Variants in IL1RAPL2 observed in about 807,000 individuals in gnomAD.
IL1RAPL2 encodes interleukin 1 receptor accessory protein like 2, also known as X-linked interleukin-1 receptor accessory protein-like 2.
In IL1RAPL2, 3 loss-of-function variants were observed where a neutral mutation model predicts 44.1. The ratio of observed to expected loss-of-function variants is 0.07; its 90% CI spans 0.03 to 0.18. IL1RAPL2 has a LOEUF of 0.18. Among genes scored for constraint, IL1RAPL2 ranks in the 10% least tolerant of loss-of-function variants. The pLI is 1.00. For synonymous variants in IL1RAPL2, 181 were observed against 178.8 expected, an observed-to-expected ratio of 1.01 and a Z score of -0.10; for missense variants, 391 against 496.4, an observed-to-expected ratio of 0.79 and a Z score of 2.02.
At chrX:105,323,658 G>A (rs1412251513) in intron 5 of IL1RAPL2, among the ~76,000 whole-genome samples, 1 of 111,585 alleles carries the variant, frequency 9.0e-6, no homozygotes, top group East Asian at 2.8e-4. Flanking sequence ...TAGATCACCT[G>A]AAGTCAGGAG....
At chrX:104,635,222 TG>T (rs1428167361) in intron 1 of IL1RAPL2, among the ~76,000 whole-genome samples, 4 of 112,171 alleles carry the variant, frequency 3.6e-5, no homozygotes, top group African/African-American at 1.3e-4. Flanking sequence ...ACTGTTAGTC[TG>T]ATGGGCTTCC....
chrX:104,730,372 T>TTCC (rs1931882299), intron 2 of IL1RAPL2, among the ~76,000 whole-genome samples: 1 of 31,977 alleles, frequency 3.1e-5, no homozygotes, highest in East Asian at 1.4e-3. Flanking sequence ...ATCCCTCCCC[T>TTCC]CCCCCCCACC....
intron 5 of IL1RAPL2, among the ~76,000 whole-genome samples, chrX:105,305,121 A>T (rs1253885552): frequency 9.0e-6 from 1 of 111,417 alleles, no homozygotes; most frequent in Non-Finnish European, 1.9e-5. Context: ...CCCATGTTCC[A>T]ATCACCTCCT....
intron 1 of IL1RAPL2, among the ~76,000 whole-genome samples, chrX:104,576,641 G>A (rs1253825783): frequency 2.7e-5 from 3 of 111,869 alleles, no homozygotes; most frequent in Non-Finnish European, 5.6e-5. Context: ...AGTCTAAAAT[G>A]TACAATTATT....
intron 5 of IL1RAPL2, among the ~76,000 whole-genome samples, chrX:105,443,853 T>A (rs2035937056): frequency 8.9e-6 from 1 of 112,123 alleles, no homozygotes; most frequent in African/African-American, 3.2e-5. Context: ...GGGGGGTATG[T>A]ACACAGCAGT....
intron 6 of IL1RAPL2, among the ~76,000 whole-genome samples, chrX:105,654,521 G>C (rs2037664514): frequency 8.9e-6 from 1 of 111,753 alleles, no homozygotes; most frequent in African/African-American, 3.2e-5. Context: ...TTGAGAAGTT[G>C]CTAAGTGGCT....
At chrX:104,720,348 A>T (rs1034263369) in intron 2 of IL1RAPL2, among the ~76,000 whole-genome samples, 1 of 112,002 alleles carries the variant, frequency 8.9e-6, no homozygotes, top group Non-Finnish European at 1.9e-5. Flanking sequence ...CAGTCTGGAC[A>T]AATAAATACT....
chrX:105,600,406 G>A (rs371331722), intron 6 of IL1RAPL2, among the ~76,000 whole-genome samples: 3 of 109,624 alleles, frequency 2.7e-5, no homozygotes, highest in East Asian at 5.7e-4. Flanking sequence ...TCCAATTGAT[G>A]GTCCCACTAG....
chrX:105,619,798 T>C (rs768977825), intron 6 of IL1RAPL2, among the ~76,000 whole-genome samples: 1 of 111,051 alleles, frequency 9.0e-6, no homozygotes, highest in Admixed American at 9.6e-5. Context: ...ATGGAGTAAA[T>C]GATATGCCAT....
chrX:104,677,359 T>G (rs1270338547), intron 2 of IL1RAPL2, among the ~76,000 whole-genome samples: 2 of 109,694 alleles, frequency 1.8e-5, no homozygotes, highest in African/African-American at 6.6e-5. Context: ...CCCTGCCGTG[T>G]GAGGTGTCAC....
At position 105,219,561 on chromosome X, in the gene IL1RAPL2, A is replaced by G. The variant is rs1556175664; in HGVS notation, c.357-14257A>G. On this transcript the variant is annotated intron_variant, in intron 3 of 10. Transcript: ENST00000372582. The stretch of plus-strand genomic sequence containing the variant: ...GGGCAGCCCCAGCCTCCACAGGGGG[A>G]GCCATGGCCTCCACAGGGGCAGCCA... 5.0e-6 allele frequency: 6 copies of G among 1,206,136 alleles called. No homozygotes were observed. In the East Asian group the frequency reaches 8.9e-5, roughly 18 times the overall value.
chrX:104,664,210 G>C lies in IL1RAPL2; in HGVS notation c.82+5215G>C, dbSNP rs186871770. On this transcript the variant is annotated intron_variant, in intron 2 of 10. Transcript: ENST00000372582. ...CTTCTTCCATTATCAACTCTGTAGT[G>C]GTCGTTCCGCAATGATAAGCCTTTG... 4.1e-4 allele frequency among the ~76,000 whole-genome samples: 46 copies of C among 111,207 alleles called. 1 individual carries two copies. The highest frequency in any genetic ancestry group is 4.7e-3 in the Middle Eastern group (1 of 215).
At chrX:104,781,933 C>T (rs1349374043) in intron 2 of IL1RAPL2, among the ~76,000 whole-genome samples, 1 of 111,318 alleles carries the variant, frequency 9.0e-6, no homozygotes, top group African/African-American at 3.3e-5. Context: ...GCTCCAACCT[C>T]ACAAGTGGGA....
chrX:104,772,288 G>T (rs187702121), intron 2 of IL1RAPL2, among the ~76,000 whole-genome samples: 4 of 112,103 alleles, frequency 3.6e-5, no homozygotes, highest in Middle Eastern at 4.6e-3. Context: ...ACATTTATAT[G>T]CATGATTATT....
chrX:104,678,021 G>C (rs997060205), intron 2 of IL1RAPL2, among the ~76,000 whole-genome samples: 3 of 112,390 alleles, frequency 2.7e-5, no homozygotes, highest in South Asian at 3.7e-4. Context: ...AGATGAACCC[G>C]GTACCTCAGA....
intron 5 of IL1RAPL2, among the ~76,000 whole-genome samples, chrX:105,319,243 C>T (rs2034878465): frequency 8.9e-6 from 1 of 111,932 alleles, no homozygotes; most frequent in South Asian, 3.7e-4. Context: ...GGGTAGGAAT[C>T]AGTAAGATTA....
Position 104,990,091 on chromosome X carries a change from T to C in IL1RAPL2, c.83-205384T>C, listed in dbSNP as rs139036217. On this transcript the variant is annotated intron_variant, in intron 2 of 10. Transcript: ENST00000372582. Reference sequence around the variant, plus strand: ...AGTCACAGTTGTTCTGTACTAGATGTTGTTGACAAGGCAATAATAAGCCCT... The same window carrying C: ...AGTCACAGTTGTTCTGTACTAGATGCTGTTGACAAGGCAATAATAAGCCCT... Among the ~76,000 whole-genome samples the C allele has an allele frequency of 1.3e-3, 144 of 111,909 alleles. 2 individuals are homozygous for C. In the East Asian group the frequency reaches 0.023, roughly 18 times the overall value.
intron 2 of IL1RAPL2, among the ~76,000 whole-genome samples, chrX:104,899,624 C>A (rs1320161461): frequency 2.7e-5 from 3 of 111,208 alleles, no homozygotes; most frequent in Non-Finnish European, 5.7e-5. Flanking sequence ...CTTTTTCTTT[C>A]TTCCCCTTAA....
At chrX:104,733,997 C>T (rs1257639995) in intron 2 of IL1RAPL2, among the ~76,000 whole-genome samples, 1 of 111,416 alleles carries the variant, frequency 9.0e-6, no homozygotes, top group Non-Finnish European at 1.9e-5. Context: ...AACCACTTCA[C>T]CAAAGTAGAC....
Sources: allele counts gnomAD v4.1 joint callset (sites outside exome capture counted in the v4.1 genomes callset), GRCh38; gene constraint gnomAD v4.1.1; transcripts MANE v1.5; gene names NCBI Gene and HGNC (gene_info 2026-07-23, HGNC 2026-07-21).